The following ZFPM2 variants were observed in gnomAD, a reference collection of about 807,000 sequenced individuals.
The protein encoded by ZFPM2 is zinc finger protein, FOG family member 2, also known as zinc finger protein ZFPM2.
A neutral mutation model predicts 98.6 loss-of-function variants in ZFPM2; 20 were observed. That is an observed-to-expected ratio of 0.20 (90% CI 0.14 to 0.29). The LOEUF is 0.29. ZFPM2 is among the 10% of genes least tolerant of loss of function. ZFPM2 has a pLI of 1.00. For missense variants in ZFPM2, 1,310 were observed against 1,388.6 expected, an observed-to-expected ratio of 0.94 and a Z score of 0.90; for synonymous variants, 518 against 502.7, an observed-to-expected ratio of 1.03 and a Z score of -0.41.
intron 3 of ZFPM2, among the ~76,000 whole-genome samples, chr8:105,473,507 T>C (rs1812949508): frequency 6.6e-6 from 1 of 152,184 alleles, no homozygotes; most frequent in African/African-American, 2.4e-5. Context: ...AGTTGCTCAG[T>C]AAATATTTAG....
At chr8:105,509,456 T>G (rs1258749327) in intron 3 of ZFPM2, among the ~76,000 whole-genome samples, 1 of 152,200 alleles carries the variant, frequency 6.6e-6, no homozygotes, top group Non-Finnish European at 1.5e-5. Context: ...TGCGATATGG[T>G]GCCAGGGGGA....
intron 4 of ZFPM2, among the ~76,000 whole-genome samples, chr8:105,624,505 G>A (rs897569996): frequency 1.3e-5 from 2 of 152,116 alleles, no homozygotes; most frequent in African/African-American, 4.8e-5. Flanking sequence ...GAAAATGAAA[G>A]TATAATAAAT....
At chr8:105,797,345 A>T (rs1029599711) in intron 6 of ZFPM2, 1 of 152,124 alleles carries the variant, frequency 6.6e-6, no homozygotes, top group Non-Finnish European at 1.5e-5. Context: ...TACAGCTCAA[A>T]CCCTGTTGTG....
rs1323045575 is a variant in ZFPM2, at chr8:105,720,848, T to A, written c.533-67870T>A. On this transcript the variant is annotated intron_variant, in intron 5 of 7. Transcript: ENST00000407775. The stretch of plus-strand genomic sequence containing the variant: ...CATTTCGGATGGGCTCTGAAAGGAC[T>A]CCCACTTGGGAGAGGAGATGCATCC... 2.0e-5 allele frequency among the ~76,000 whole-genome samples: 3 copies of A among 152,018 alleles called. No individual in the cohort carries two copies. The East Asian group carries it at 5.9e-4, about 30-fold the overall frequency.
intron 1 of ZFPM2, among the ~76,000 whole-genome samples, chr8:105,397,525 G>C (rs1173759353): frequency 6.6e-6 from 1 of 151,982 alleles, no homozygotes; most frequent in Non-Finnish European, 1.5e-5. Context: ...ATGCTATTTG[G>C]TATTTCCTTT....
In ZFPM2 at chr8:105,634,739, A is replaced by G. The variant is rs374714292; in HGVS notation, c.532+382A>G. On this transcript the variant is annotated intron_variant, in intron 5 of 7. Transcript: ENST00000407775. Reference sequence around the variant, plus strand: ...CTTCTAAATTTAACAATTTGTGTCAAGGTGCATGGTCCAAGAGGCTCTACA... The same window carrying G: ...CTTCTAAATTTAACAATTTGTGTCAGGGTGCATGGTCCAAGAGGCTCTACA... Among the ~76,000 whole-genome samples, 8 of 152,312 alleles carry G rather than the reference A, an allele frequency of 5.3e-5. No individual in the cohort carries two copies. The East Asian group carries it at 1.4e-3, about 26-fold the overall frequency.
intron 4 of ZFPM2, among the ~76,000 whole-genome samples, chr8:105,622,128 T>C (rs566260868): frequency 6.6e-6 from 1 of 152,134 alleles, no homozygotes; most frequent in East Asian, 1.9e-4. Flanking sequence ...AAGAATTATT[T>C]ATCTGGCAAA....
Position 105,318,865 on chromosome 8 carries a change from C to CA in ZFPM2, c.-77_-76insA. 1 of 109,764 alleles carries CA rather than the reference C, an allele frequency of 9.1e-6. No homozygotes were observed. The highest frequency in any genetic ancestry group is 1.1e-5 in the Non-Finnish European group (1 of 91,458). 6.8% of individuals were successfully genotyped at this position (109,764 alleles called of 1,614,324 possible). ...TGGCCAGCGGCGGCGGCGGCGGCGG[C>CA]GGCGGCGGGAGCCGAGGGAGCGGCA... is the stretch of plus-strand genomic sequence containing the variant. On this transcript the variant is annotated 5_prime_UTR_variant, in exon 1 of 8. Coordinates refer to ENST00000407775, the MANE Select transcript of ZFPM2 (RefSeq NM_012082.4).
chr8:105,779,599 T>C (rs1372999734), intron 5 of ZFPM2, among the ~76,000 whole-genome samples: 2 of 152,220 alleles, frequency 1.3e-5, no homozygotes, highest in African/African-American at 2.4e-5. Flanking sequence ...AACAATATAA[T>C]TGAAGCTTTG....
chr8:105,545,043 T>C (rs968574491), intron 3 of ZFPM2, among the ~76,000 whole-genome samples: 1 of 152,194 alleles, frequency 6.6e-6, no homozygotes, highest in Non-Finnish European at 1.5e-5. Flanking sequence ...AGGTTTAACA[T>C]CCTTGGTTTA....
In ZFPM2 at chr8:105,802,988, C is replaced by G; in HGVS notation, c.2906C>G (p.Pro969Arg). ...RHLFLPQCLY[P>R]GAIKKAKGAD... The stretch of plus-strand genomic sequence containing the variant: ...TTGTTTCTTCCACAATGCCTTTACC[C>G]TGGAGCAATAAAGAAAGCAAAAGGA... The change falls in exon 8 of 8, where the codon CCT becomes CGT. Residue 969 changes from proline (P) to arginine (R), a missense_variant. By Grantham distance (103) the Pro-to-Arg change is moderately radical (BLOSUM62 -2). Transcript: ENST00000407775. 6.2e-7 allele frequency: 1 copy of G among 1,612,898 alleles called. No homozygotes were observed. The highest frequency in any genetic ancestry group is 8.5e-7 in the Non-Finnish European group (1 of 1,179,406).
At chr8:105,399,715 A>T (rs553285637) in intron 1 of ZFPM2, among the ~76,000 whole-genome samples, 12 of 151,976 alleles carry the variant, frequency 7.9e-5, no homozygotes, top group Admixed American at 3.9e-4. Context: ...GTATTTTTTT[A>T]TTTTTTGATA....
intron 1 of ZFPM2, among the ~76,000 whole-genome samples, chr8:105,386,461 A>G (rs1368275023): frequency 1.3e-5 from 2 of 152,218 alleles, no homozygotes; most frequent in Non-Finnish European, 2.9e-5. Flanking sequence ...GGTGAGTGTT[A>G]TAGCTCTTAA....
intron 5 of ZFPM2, among the ~76,000 whole-genome samples, chr8:105,700,711 TCAGGCTCCTGA>T (rs1380484939): frequency 6.6e-6 from 1 of 152,132 alleles, no homozygotes; most frequent in Non-Finnish European, 1.5e-5. Flanking sequence ...TTCTCCTGCC[TCAGGCTCCTGA>T]GTAGCTGGGA....
chr8:105,679,435 CTT>C (rs10578261), intron 5 of ZFPM2, among the ~76,000 whole-genome samples: 4,244 of 152,176 alleles, frequency 0.028, 62 homozygotes, highest in Admixed American at 0.04. Context: ...TATAAAAGCA[CTT>C]TTAGATTTAG....
rs1815085208 is a variant in ZFPM2 at position 105,559,652 on chromosome 8, C to A, written c.302-1711C>A. Among the ~76,000 whole-genome samples the A allele has an allele frequency of 2.6e-5, 4 of 152,106 alleles. No homozygotes were observed. The South Asian group carries it at 8.3e-4, about 32-fold the overall frequency. On this transcript the variant is annotated intron_variant, in intron 3 of 7. Transcript: ENST00000407775. The stretch of plus-strand genomic sequence containing the variant: ...ATTTTAGCTGATTGTAGTTTATATA[C>A]TTCAGTTTTGGTTTTCAGGATAAGC...
intron 5 of ZFPM2, among the ~76,000 whole-genome samples, chr8:105,738,456 A>C (rs1200638161): frequency 6.6e-6 from 1 of 152,032 alleles, no homozygotes; most frequent in East Asian, 1.9e-4. Flanking sequence ...TGGCTTCAAT[A>C]TTGTGAATAG....
At chr8:105,654,341 A>T (rs1817242527) in intron 5 of ZFPM2, among the ~76,000 whole-genome samples, 1 of 152,194 alleles carries the variant, frequency 6.6e-6, no homozygotes, top group South Asian at 2.1e-4. Context: ...ATCTTGAGAG[A>T]CTGTCAGGGC....
At chr8:105,704,761 G>A (rs1288468612) in intron 5 of ZFPM2, among the ~76,000 whole-genome samples, 2 of 152,118 alleles carry the variant, frequency 1.3e-5, no homozygotes, top group African/African-American at 4.8e-5. Flanking sequence ...GCCTCATAAG[G>A]GAAAGTGGAC....
Sources: gnomAD v4.1 joint callset for allele counts (sites outside exome capture counted in the v4.1 genomes callset) on GRCh38, gnomAD v4.1.1 for gene constraint, MANE v1.5 for transcripts, NCBI Gene and HGNC (gene_info 2026-07-23, HGNC 2026-07-21) for gene names.